ADAM15: variants seen among roughly 807,000 people sequenced by gnomAD.
ADAM15 encodes disintegrin and metalloproteinase domain-containing protein 15.
Under a neutral mutation model 113.8 loss-of-function variants are expected in ADAM15, and 77 were observed. The observed-to-expected ratio is 0.68, with a 90% confidence interval of 0.56 to 0.82. ADAM15 has a LOEUF of 0.82. Ranked by LOEUF, ADAM15 falls within the 40% of genes least tolerant of loss-of-function variation. ADAM15 has a pLI of 0.00. For missense variants in ADAM15, 963 were observed against 1,120.1 expected, an observed-to-expected ratio of 0.86 and a Z score of 2.00; for synonymous variants, 388 against 454.1, an observed-to-expected ratio of 0.85 and a Z score of 1.85.
In ADAM15 at chr1:155,056,546, C is replaced by A. The variant is rs1661789701; in HGVS notation, c.999+76C>A. On this transcript the variant is annotated intron_variant, in intron 10 of 22. Coordinates refer to ENST00000356955, the MANE Select transcript of ADAM15 (RefSeq NM_207197.3). This position sits in a 1 kb window ranked among gnomAD's most constrained non-coding sequence, Gnocchi z 4.0. Reference sequence around the variant, plus strand: ...TGTGGTGGCATTTATGCACTGAAACCCCCCTATAAAGTTGCCCAACCCCAA... The same window carrying A: ...TGTGGTGGCATTTATGCACTGAAACACCCCTATAAAGTTGCCCAACCCCAA... 2.1e-6 allele frequency: 3 copies of A among 1,456,248 alleles called. No individual in the cohort carries two copies. The highest frequency in any genetic ancestry group is 1.2e-5 in the South Asian group (1 of 83,924). 90.2% of individuals were successfully genotyped at this position (1,456,248 alleles called of 1,614,324 possible). A position where few individuals can be genotyped will look rare whatever the true frequency, so the allele number is the denominator to read the frequency against.
Position 155,057,315 on chromosome 1 carries a change from A to T in ADAM15, c.1276A>T (p.Asn426Tyr). Residue 426 changes from asparagine (N) to tyrosine (Y), a missense_variant, in exon 12 of 23, where the codon AAT becomes TAT. Physicochemically the swap from Asn to Tyr is moderately radical, Grantham distance 143. Transcript: ENST00000356955. This position sits in a 1 kb window ranked among gnomAD's most constrained non-coding sequence, Gnocchi z 5.0. Reference protein sequence around the residue: ...SLPPMAAFCGNMFVEPGEQCD... With the variant: ...SLPPMAAFCGYMFVEPGEQCD... ...ACCCCCTATGGCTGCTTTCTGCGGAAATATGTTTGTGGAGCCGGGCGAGCA... is the reference window on the plus strand; with the variant it reads ...ACCCCCTATGGCTGCTTTCTGCGGATATATGTTTGTGGAGCCGGGCGAGCA... 1 of 1,614,156 alleles carries T rather than the reference A, an allele frequency of 6.2e-7. No individual in the cohort carries two copies. Among genetic ancestry groups the T allele is most frequent in the Non-Finnish European group, 8.5e-7 (1 of 1,180,008 alleles).
Position 155,052,770 on chromosome 1 carries a change from T to C in ADAM15, c.179T>C (p.Val60Ala), listed in dbSNP as rs1661242090. 6.2e-7 allele frequency: 1 copy of C among 1,610,160 alleles called. No homozygotes were observed. The highest frequency in any genetic ancestry group is 8.5e-7 in the Non-Finnish European group (1 of 1,178,514). The change falls in exon 2 of 23, where the codon GTG becomes GCG. Residue 60 changes from valine to alanine, a missense_variant. Val to Ala is a moderately conservative substitution (Grantham distance 64). Coordinates refer to ENST00000356955, the MANE Select transcript of ADAM15 (RefSeq NM_207197.3). ...GATCTCCCAATTAGCCTCAAAAAGG[T>C]GCTTCAGGTGAGCTCTCACTCCCCT... Reference protein sequence around the residue: ...QDDLPISLKKVLQTSLPEPLR... With the variant: ...QDDLPISLKKALQTSLPEPLR...
At position 155,058,826 on chromosome 1, in the gene ADAM15, C is replaced by G; in HGVS notation, c.1995+39C>G. The G allele has an allele frequency of 2.5e-6, 4 of 1,579,052 alleles. No individual in the cohort carries two copies. Among genetic ancestry groups the G allele is most frequent in the Non-Finnish European group, 2.6e-6 (3 of 1,162,584 alleles). Reference sequence around the variant, plus strand: ...GGGGAAGTGGAAGGGGAGCAGAGAGCCTCTAGAGAGGAAAAGGATACTGGG... The same window carrying G: ...GGGGAAGTGGAAGGGGAGCAGAGAGGCTCTAGAGAGGAAAAGGATACTGGG... On this transcript the variant is annotated intron_variant, in intron 16 of 22. Transcript: ENST00000356955. The surrounding 1 kb of genome is among the most constrained non-coding windows in gnomAD (Gnocchi z 4.3).
chr1:155,057,160 C>T lies in ADAM15; in HGVS notation c.1149-28C>T, dbSNP rs943206322. The T allele has an allele frequency of 1.9e-6, 3 of 1,601,394 alleles. No homozygotes were observed. Among genetic ancestry groups the T allele is most frequent in the Non-Finnish European group, 2.6e-6 (3 of 1,171,438 alleles). ...GCAGGGGGCAGGGAGAGGCCCCCAG[C>T]CCCAACCTTCCTTGCCACCCTCCCC... On this transcript the variant is annotated intron_variant, in intron 11 of 22. Coordinates refer to ENST00000356955, the MANE Select transcript of ADAM15 (RefSeq NM_207197.3). This position sits in a 1 kb window ranked among gnomAD's most constrained non-coding sequence, Gnocchi z 5.0.
intron 6 of ADAM15, chr1:155,055,506 G>A (rs1042326190): frequency 1.7e-5 from 7 of 422,152 alleles, no homozygotes; most frequent in Admixed American, 7.3e-5. Flanking sequence ...GATTACAGGC[G>A]TGAGCCACCG....
Position 155,057,577 on chromosome 1 carries a change from G to T in ADAM15, c.1324-60G>T, listed in dbSNP as rs1661947725. The T allele has an allele frequency of 6.3e-7, 1 of 1,585,330 alleles. No individual in the cohort carries two copies. Among genetic ancestry groups the T allele is most frequent in the Non-Finnish European group, 8.7e-7 (1 of 1,154,862 alleles). ...TTGGCCTGTGGGAGGAGGAGAGATT[G>T]GAGGGAGGCTCACAGGCCCCACCTG... is the stretch of plus-strand genomic sequence containing the variant. On this transcript the variant is annotated intron_variant, in intron 12 of 22. Transcript: ENST00000356955. This position sits in a 1 kb window ranked among gnomAD's most constrained non-coding sequence, Gnocchi z 5.0.
chr1:155,057,488 TG>T lies in ADAM15; in HGVS notation c.1323+127del. The T allele has an allele frequency of 6.7e-7, 1 of 1,490,574 alleles. No individual in the cohort carries two copies. Among genetic ancestry groups the T allele is most frequent in the Non-Finnish European group, 9.2e-7 (1 of 1,088,372 alleles). 92.3% of individuals were successfully genotyped at this position (1,490,574 alleles called of 1,614,324 possible). ...CTTTCCACCCCTCTCCTACTTGCCC[TG>T]TCTGTGGGGACAGCACATGGGTTGT... On this transcript the variant is annotated intron_variant, in intron 12 of 22. Coordinates refer to ENST00000356955, the MANE Select transcript of ADAM15 (RefSeq NM_207197.3). The surrounding 1 kb of genome is among the most constrained non-coding windows in gnomAD (Gnocchi z 5.0).
chr1:155,053,418 C>G lies in ADAM15; in HGVS notation c.188C>G (p.Thr63Ser), dbSNP rs144988372. The G allele has an allele frequency of 2.5e-5, 41 of 1,613,906 alleles. No individual in the cohort carries two copies. Among genetic ancestry groups the G allele is most frequent in the Non-Finnish European group, 3.4e-5 (40 of 1,180,020 alleles). Reference sequence around the variant, plus strand: ...TGACCTGCCCTCTGGTGCCCACAGACCAGTCTGCCTGAGCCCCTGAGGATC... The same window carrying G: ...TGACCTGCCCTCTGGTGCCCACAGAGCAGTCTGCCTGAGCCCCTGAGGATC... ...LPISLKKVLQ[T>S]SLPEPLRIKL... The change falls in exon 3 of 23, where the codon ACC becomes AGC. Residue 63 changes from threonine (T) to serine (S), a missense_variant and splice_region_variant. Physicochemically the swap from Thr to Ser is moderately conservative, Grantham distance 58. Coordinates refer to ENST00000356955, the MANE Select transcript of ADAM15 (RefSeq NM_207197.3).
intron 16 of ADAM15, among the ~76,000 whole-genome samples, chr1:155,059,449 C>A (rs1226131821): frequency 6.6e-6 from 1 of 152,028 alleles, no homozygotes; most frequent in Non-Finnish European, 1.5e-5. Flanking sequence ...CATAGTGAGA[C>A]CCCCATCTCT....
In ADAM15 at chr1:155,052,706, G is replaced by GC; in HGVS notation, c.119dup (p.Arg41GlufsTer16). On this transcript the variant is annotated frameshift_variant, in exon 2 of 23. Coordinates refer to ENST00000356955, the MANE Select transcript of ADAM15 (RefSeq NM_207197.3). LOFTEE classifies it high-confidence loss of function. ...GGAGCAGCAGGCAGAGTCAGAGAAG[G>GC]CCCCGAGGGAGCCCTTGGAGCCCCA... 6.2e-7 allele frequency: 1 copy of GC among 1,611,622 alleles called. No individual in the cohort carries two copies. The highest frequency in any genetic ancestry group is 8.5e-7 in the Non-Finnish European group (1 of 1,179,346).
chr1:155,056,128 T>C lies in ADAM15; in HGVS notation c.793T>C (p.Trp265Arg). The change falls in exon 9 of 23, where the codon TGG becomes CGG. Residue 265 changes from tryptophan to arginine, a missense_variant. By Grantham distance (101) the Trp-to-Arg change is moderately radical. Transcript: ENST00000356955. The surrounding 1 kb of genome is among the most constrained non-coding windows in gnomAD (Gnocchi z 4.0). ...AGTGGCACTAGTGGGCCTGGAGGCC[T>C]GGACCCAGCGTGACCTGGTGGAGAT... ...VRVALVGLEAWTQRDLVEISP... is the reference protein window; with the variant it reads ...VRVALVGLEARTQRDLVEISP... 3 of 1,613,982 alleles carry C rather than the reference T, an allele frequency of 1.9e-6. No homozygotes were observed. Among genetic ancestry groups the C allele is most frequent in the Non-Finnish European group, 2.5e-6 (3 of 1,180,024 alleles).
chr1:155,061,770 C>G (rs1218719287), intron 20 of ADAM15, 134 bp from the exon 21 acceptor site: 1 of 1,063,342 alleles, frequency 9.4e-7, no homozygotes, highest in Non-Finnish European at 1.4e-6. Flanking sequence ...CCTCCAAGCC[C>G]TCTGCGCATG....
chr1:155,061,921 A>G lies in ADAM15; in HGVS notation c.2370A>G (p.Arg790=), dbSNP rs1403096300. The part of the protein sequence containing the change: ...SKRLQAELAD[R]PNPPTRPLPA... ...CTGTTCAGGCTGAGCTGGCTGACCGACCCAATCCCCCTACCCGCCCTCTGC... is the reference window on the plus strand; with the variant it reads ...CTGTTCAGGCTGAGCTGGCTGACCGGCCCAATCCCCCTACCCGCCCTCTGC... Residue 790 remains arginine (R), a synonymous_variant, in exon 21 of 23, where the codon CGA becomes CGG. Transcript: ENST00000356955. 1 of 1,551,688 alleles carries G rather than the reference A, an allele frequency of 6.4e-7. No individual in the cohort carries two copies. Among genetic ancestry groups the G allele is most frequent in the African/African-American group, 1.4e-5 (1 of 72,402 alleles).
At position 155,058,469 on chromosome 1, in the gene ADAM15, G is replaced by A. The variant is rs1282532270; in HGVS notation, c.1917+28G>A. ...GAGCAGCCTGGGTGGGCAAGACCAG[G>A]TGTGAGAAGGGACATTTGGACCACA... On this transcript the variant is annotated intron_variant, in intron 15 of 22. Transcript: ENST00000356955. The surrounding 1 kb of genome is among the most constrained non-coding windows in gnomAD (Gnocchi z 4.3). 15 of 1,606,010 alleles carry A rather than the reference G, an allele frequency of 9.3e-6. No individual in the cohort carries two copies. Among genetic ancestry groups the A allele is most frequent in the Non-Finnish European group, 1.3e-5 (15 of 1,179,400 alleles).
chr1:155,054,358 A>T lies in ADAM15; in HGVS notation c.464A>T (p.Gln155Leu). ...LTPERSYTLEQGPGDLQGPPI... is the reference protein window; with the variant it reads ...LTPERSYTLELGPGDLQGPPI... ...CCAGAGAGAAGCTATACCCTGGAGC[A>T]GGGGCCTGGGGACCTTCAGGGTCCT... The change falls in exon 6 of 23, where the codon CAG (glutamine) becomes CTG (leucine). Residue 155 changes from glutamine (Q) to leucine (L), a missense_variant. Coordinates refer to ENST00000356955, the MANE Select transcript of ADAM15 (RefSeq NM_207197.3). The T allele has an allele frequency of 6.2e-7, 1 of 1,612,202 alleles. No homozygotes were observed. The highest frequency in any genetic ancestry group is 2.2e-5 in the East Asian group (1 of 44,848).
chr1:155,057,120 G>A lies in ADAM15; in HGVS notation c.1148+19G>A. 3.2e-6 allele frequency: 5 copies of A among 1,571,652 alleles called. No individual in the cohort carries two copies. Among genetic ancestry groups the A allele is most frequent in the Non-Finnish European group, 4.3e-6 (5 of 1,156,800 alleles). On this transcript the variant is annotated intron_variant, in intron 11 of 22. Coordinates refer to ENST00000356955, the MANE Select transcript of ADAM15 (RefSeq NM_207197.3). This position sits in a 1 kb window ranked among gnomAD's most constrained non-coding sequence, Gnocchi z 5.0. ...CCACAGAGTAAGTAGCTGCAGGATG[G>A]AGAGAGGGTGTGGGGCAGGGGGCAG...
At chr1:155,053,104 C>CA (rs1213220900) in intron 2 of ADAM15, among the ~76,000 whole-genome samples, 1 of 94,754 alleles carries the variant, frequency 1.1e-5, no homozygotes, top group African/African-American at 3.8e-5. Flanking sequence ...AGGACCTTAC[C>CA]AAACCCCCCC....
At chr1:155,055,076 C>G (rs538504615) in intron 6 of ADAM15, among the ~76,000 whole-genome samples, 1 of 152,120 alleles carries the variant, frequency 6.6e-6, no homozygotes, top group Non-Finnish European at 1.5e-5. Flanking sequence ...AACCCAATTT[C>G]CTAATTTGTA....
rs373281678 is a variant in ADAM15 at position 155,058,674 on chromosome 1, G to A, written c.1918-36G>A. 1.4e-5 allele frequency: 22 copies of A among 1,602,068 alleles called. No individual in the cohort carries two copies. Among genetic ancestry groups the A allele is most frequent in the Non-Finnish European group, 1.8e-5 (21 of 1,174,396 alleles). On this transcript the variant is annotated intron_variant, in intron 15 of 22. Transcript: ENST00000356955. This position sits in a 1 kb window ranked among gnomAD's most constrained non-coding sequence, Gnocchi z 4.3. ...CCTCCCAGTCCCATTAAAGCTTTGT[G>A]GGAATCTGATCCAGGCTCTTCTCTC...
Sources: allele counts gnomAD v4.1 joint callset (sites outside exome capture counted in the v4.1 genomes callset), GRCh38; gene constraint gnomAD v4.1.1; non-coding constraint Gnocchi (gnomAD v3.1); transcripts MANE v1.5; gene names NCBI Gene and HGNC (gene_info 2026-07-23, HGNC 2026-07-21).